DPP8: variants seen among roughly 807,000 people sequenced by gnomAD.
DPP8 encodes dipeptidyl peptidase 8.
In DPP8, 31 loss-of-function variants were observed where a neutral mutation model predicts 107.5. The ratio of observed to expected loss-of-function variants is 0.29; its 90% CI spans 0.22 to 0.39. The LOEUF (loss-of-function observed/expected upper bound fraction) is 0.39. DPP8 is among the 10% of genes least tolerant of loss of function. The pLI is 1.00. For synonymous variants in DPP8, 381 were observed against 356.6 expected (o/e 1.07, Z -0.77); for missense variants, 842 against 1,076.1 (o/e 0.78, Z 3.04).
intron 12 of DPP8, among the ~76,000 whole-genome samples, chr15:65,471,449 C>T (rs1035922400): frequency 2.0e-4 from 30 of 151,768 alleles, no homozygotes; most frequent in Middle Eastern, 6.9e-3. Context: ...CGGGCTAAAG[C>T]GATCCTCCCA....
intron 4 of DPP8, among the ~76,000 whole-genome samples, chr15:65,499,199 C>T (rs1348798607): frequency 6.6e-6 from 1 of 151,646 alleles, no homozygotes; most frequent in Non-Finnish European, 1.5e-5. Flanking sequence ...AGTGCTTACA[C>T]AGGAAGTGGG....
In DPP8 at chr15:65,442,620, G is replaced by A. The variant is rs2140265043; in HGVS notation, c.*4264C>T. The A allele has an allele frequency of 6.6e-6, 1 of 152,288 alleles. No homozygotes were observed. The highest frequency in any genetic ancestry group is 2.1e-4 in the South Asian group (1 of 4,820). 9.4% of individuals were successfully genotyped at this position (152,288 alleles called of 1,614,324 possible). A position where few individuals can be genotyped will look rare whatever the true frequency, so the allele number is the denominator to read the frequency against. On this transcript the variant is annotated 3_prime_UTR_variant, in exon 20 of 20. Coordinates refer to ENST00000300141, the MANE Select transcript of DPP8 (RefSeq NM_130434.5). The stretch of plus-strand genomic sequence containing the variant: ...TGCAATTCTTTTTATACAAGTCAAT[G>A]CTTAAAACAGCAGGCACTTCATGTT...
At chr15:65,456,474 T>TAC (rs2064430884) in intron 15 of DPP8, 103 bp from the exon 16 acceptor site, 4 of 1,167,152 alleles carry the variant, frequency 3.4e-6, no homozygotes, top group Non-Finnish European at 3.6e-6. Flanking sequence ...ACTATTATTT[T>TAC]ACCTTTAAAA....
intron 4 of DPP8, among the ~76,000 whole-genome samples, chr15:65,499,036 T>A (rs2068889323): frequency 6.7e-6 from 1 of 150,120 alleles, no homozygotes; most frequent in African/African-American, 2.5e-5. Flanking sequence ...CCAGCCTGGA[T>A]GACAGCAAGA....
chr15:65,448,762 G>C (rs913525631), intron 19 of DPP8, among the ~76,000 whole-genome samples: 1 of 104,148 alleles, frequency 9.6e-6, no homozygotes, highest in African/African-American at 4.3e-5. Context: ...ATATATATCT[G>C]AAATATACAT....
intron 17 of DPP8, among the ~76,000 whole-genome samples, 184 bp from the exon 18 acceptor site, chr15:65,452,286 CTG>C (rs979250726): frequency 1.9e-4 from 29 of 152,166 alleles, no homozygotes; most frequent in Middle Eastern, 3.2e-3. Context: ...ATTTGATACT[CTG>C]TGAGTCAGTT....
chr15:65,504,264 G>A (rs1247274716), intron 3 of DPP8, among the ~76,000 whole-genome samples: 1 of 151,914 alleles, frequency 6.6e-6, no homozygotes, highest in Non-Finnish European at 1.5e-5. Flanking sequence ...TTGGGAGGCT[G>A]AGGCAGGAGA....
chr15:65,499,105 G>GTGTATATA (rs1555468189), intron 4 of DPP8, among the ~76,000 whole-genome samples: 4 of 138,740 alleles, frequency 2.9e-5, no homozygotes, highest in African/African-American at 1.1e-4. Flanking sequence ...GTGTGTGTGT[G>GTGTATATA]TATATATAAA....
At chr15:65,456,198 A>G in intron 16 of DPP8, 27 bp downstream of exon 16, 2 of 1,598,124 alleles carry the variant, frequency 1.3e-6, no homozygotes, top group Non-Finnish European at 1.7e-6. Context: ...AATGTCTGTA[A>G]AAGAAAAGTG....
At position 65,446,982 on chromosome 15, in the gene DPP8, T is replaced by G. The variant is rs1363040715; in HGVS notation, c.2551A>C (p.Ile851Leu). 1 of 1,611,172 alleles carries G rather than the reference T, an allele frequency of 6.2e-7. No homozygotes were observed. The highest frequency in any genetic ancestry group is 8.5e-7 in the Non-Finnish European group (1 of 1,178,556). Reference sequence around the variant, plus strand: ...TGTTCTCCCGATTCAGGAACTCTTATGCTGTGTCTCTCCTGAGGATAGATC... The same window carrying G: ...TGTTCTCCCGATTCAGGAACTCTTAGGCTGTGTCTCTCCTGAGGATAGATC... ...LQIYPQERHS[I>L]RVPESGEHYE... The change falls in exon 20 of 20, where the codon ATA becomes CTA. Residue 851 changes from isoleucine to leucine, a missense_variant. Coordinates refer to ENST00000300141, the MANE Select transcript of DPP8 (RefSeq NM_130434.5).
intron 9 of DPP8, among the ~76,000 whole-genome samples, chr15:65,481,300 A>G (rs900244571): frequency 6.6e-6 from 1 of 152,214 alleles, no homozygotes; most frequent in African/African-American, 2.4e-5. Flanking sequence ...CTGGCTGAGT[A>G]TAAAGACAGA....
intron 1 of DPP8, among the ~76,000 whole-genome samples, chr15:65,513,190 C>T (rs1462179462): frequency 6.6e-6 from 1 of 151,990 alleles, no homozygotes; most frequent in African/African-American, 2.4e-5. Flanking sequence ...CTAGACATCA[C>T]TATCATGATC....
At chr15:65,467,638 G>T (rs1400239256) in intron 12 of DPP8, among the ~76,000 whole-genome samples, 1 of 152,042 alleles carries the variant, frequency 6.6e-6, no homozygotes, top group African/African-American at 2.4e-5. Context: ...TCAGCCTCCC[G>T]AAGTATTGGG....
intron 7 of DPP8, among the ~76,000 whole-genome samples, chr15:65,486,093 CAAAA>C: frequency 1.1e-5 from 1 of 91,488 alleles, no homozygotes; most frequent in African/African-American, 4.0e-5. Flanking sequence ...GACTCTGTCT[CAAAA>C]AAAAAAAAAC....
At chr15:65,476,580 T>C (rs921941273) in intron 11 of DPP8, among the ~76,000 whole-genome samples, 1 of 152,190 alleles carries the variant, frequency 6.6e-6, no homozygotes, top group African/African-American at 2.4e-5. Context: ...GGGGTAGCAG[T>C]AGCCACTACC....
intron 19 of DPP8, among the ~76,000 whole-genome samples, chr15:65,447,883 G>C (rs1164492041): frequency 6.6e-6 from 1 of 152,082 alleles, no homozygotes; most frequent in African/African-American, 2.4e-5. Flanking sequence ...ACACTTTTCC[G>C]ATGAGCTCAG....
intron 15 of DPP8, among the ~76,000 whole-genome samples, chr15:65,462,314 AT>A (rs1442499751): frequency 6.6e-5 from 10 of 152,028 alleles, no homozygotes; most frequent in Non-Finnish European, 1.0e-4. Flanking sequence ...TGTCAATCAT[AT>A]TTTGTTTGTA....
Position 65,509,987 on chromosome 15 carries a change from C to G in DPP8, c.259+2308G>C, listed in dbSNP as rs903348384. ...AGTTAGCCAGGATCACACCACTGCA[C>G]TCCAGCCTGGGCAACAGAGTGAGAC... On this transcript the variant is annotated intron_variant, in intron 2 of 19. Transcript: ENST00000300141. 7.2e-5 allele frequency among the ~76,000 whole-genome samples: 11 copies of G among 152,074 alleles called. No homozygotes were observed. The East Asian group carries it at 1.9e-3, about 27-fold the overall frequency.
chr15:65,494,116 T>C (rs1257225480), intron 5 of DPP8, among the ~76,000 whole-genome samples: 1 of 149,992 alleles, frequency 6.7e-6, no homozygotes, highest in Non-Finnish European at 1.5e-5. Context: ...AGTTAATAAA[T>C]GGTAGACTTG....
Sources: allele counts gnomAD v4.1 joint callset (sites outside exome capture counted in the v4.1 genomes callset), GRCh38; gene constraint gnomAD v4.1.1; transcripts MANE v1.5; gene names NCBI Gene and HGNC (gene_info 2026-07-23, HGNC 2026-07-21).